Variants in ZC3HAV1 observed in about 807,000 individuals in gnomAD.
The protein encoded by ZC3HAV1 is zinc finger CCCH-type antiviral protein 1.
ZC3HAV1 carries 41 observed loss-of-function variants against 86.6 expected under a neutral mutation model. The observed-to-expected ratio is 0.47, with a 90% confidence interval of 0.37 to 0.61. The LOEUF (loss-of-function observed/expected upper bound fraction) is 0.61, where lower values mean the gene tolerates loss of function less well. ZC3HAV1 is among the 20% of genes least tolerant of loss of function. The pLI, the probability that ZC3HAV1 is intolerant of heterozygous loss-of-function variation, is 0.00. For missense variants in ZC3HAV1, 964 were observed against 1,141.1 expected (o/e 0.84, Z 2.24); for synonymous variants, 421 against 432.1 (o/e 0.97, Z 0.32).
intron 12 of ZC3HAV1, among the ~76,000 whole-genome samples, chr7:139,048,098 G>A (rs749415476): frequency 5.3e-5 from 8 of 152,316 alleles, no homozygotes; most frequent in Middle Eastern, 3.4e-3. Flanking sequence ...TGCTGATAGT[G>A]TGAGCCATTG....
chr7:139,053,906 G>A (rs1405123830), intron 11 of ZC3HAV1, 59 bp downstream of exon 11: 32 of 1,553,602 alleles, frequency 2.1e-5, no homozygotes, highest in South Asian at 2.5e-5. Flanking sequence ...CTCAAAGGAC[G>A]GATATTAACT....
chr7:139,072,196 C>CTT (rs569833688), intron 7 of ZC3HAV1, among the ~76,000 whole-genome samples: 14 of 148,392 alleles, frequency 9.4e-5, no homozygotes, highest in South Asian at 4.2e-4. Flanking sequence ...CCTGCATTAT[C>CTT]TTTTTTTTTT....
intron 1 of ZC3HAV1, among the ~76,000 whole-genome samples, chr7:139,103,151 C>T (rs1016731332): frequency 1.3e-5 from 2 of 151,022 alleles, no homozygotes; most frequent in South Asian, 4.1e-4. Flanking sequence ...AACAATCCTT[C>T]TGCCTCAGCC....
chr7:139,109,209 C>A lies in ZC3HAV1; in HGVS notation c.123G>T (p.Leu41=), dbSNP rs756169927. The part of the protein sequence containing the change: ...ALSEPQLCEV[L]QVAGPDRFVV... ...CAAAGCGGTCGGGCCCGGCCACCTG[C>A]AGCACCTCACAGAGCTGCGGCTCAG... Residue 41 remains leucine (L), a synonymous_variant, in exon 1 of 13, where the codon CTG becomes CTT. Coordinates refer to ENST00000242351, the MANE Select transcript of ZC3HAV1 (RefSeq NM_020119.4). 10 of 1,609,186 alleles carry A rather than the reference C, an allele frequency of 6.2e-6. No individual in the cohort carries two copies. The highest frequency in any genetic ancestry group is 8.5e-6 in the Non-Finnish European group (10 of 1,177,978).
chr7:139,104,289 T>C (rs912405057), intron 1 of ZC3HAV1, among the ~76,000 whole-genome samples: 1 of 134,152 alleles, frequency 7.5e-6, no homozygotes, highest in African/African-American at 2.8e-5. Flanking sequence ...AACACCCACA[T>C]CGGCAAAAAC....
chr7:139,070,240 T>G (rs1476644117), intron 7 of ZC3HAV1, among the ~76,000 whole-genome samples: 1 of 152,182 alleles, frequency 6.6e-6, no homozygotes, highest in African/African-American at 2.4e-5. Context: ...ATTCATGTGT[T>G]TGCAGATTGA....
At chr7:139,104,506 G>C (rs754728964) in intron 1 of ZC3HAV1, among the ~76,000 whole-genome samples, 6 of 151,104 alleles carry the variant, frequency 4.0e-5, no homozygotes, top group Admixed American at 6.6e-5. Context: ...CTGAGCTCAG[G>C]AGTTGGAGAC....
chr7:139,065,069 C>T lies in ZC3HAV1; in HGVS notation c.1873-70G>A, dbSNP rs1408684071. 40 of 1,590,712 alleles carry T rather than the reference C, an allele frequency of 2.5e-5. No homozygotes were observed. The South Asian group carries it at 2.6e-4, about 10-fold the overall frequency. ...GGAAATCTCTACTGTTATATGATTT[C>T]GTTTTAGCAATGAGATGTGAACAGG... On this transcript the variant is annotated intron_variant, in intron 7 of 12. Coordinates refer to ENST00000242351, the MANE Select transcript of ZC3HAV1 (RefSeq NM_020119.4).
At position 139,079,613 on chromosome 7, in the gene ZC3HAV1, C is replaced by G. The variant is rs376101521; in HGVS notation, c.1328G>C (p.Arg443Thr). 6.2e-7 allele frequency: 1 copy of G among 1,614,086 alleles called. No homozygotes were observed. The highest frequency in any genetic ancestry group is 8.5e-7 in the Non-Finnish European group (1 of 1,180,020). ...GCTAGTGCTTTTGTAATTTAAGGATCTGGTAGAAGTTATATCTGTGGCCAC... is the reference window on the plus strand; with the variant it reads ...GCTAGTGCTTTTGTAATTTAAGGATGTGGTAGAAGTTATATCTGTGGCCAC... Reference protein sequence around the residue: ...DGVATDITSTRSLNYKSTSSG... With the variant: ...DGVATDITSTTSLNYKSTSSG... The change falls in exon 4 of 13, where the codon AGA becomes ACA. Residue 443 changes from arginine (R) to threonine (T), a missense_variant. By Grantham distance (71) the Arg-to-Thr change is moderately conservative. Coordinates refer to ENST00000242351, the MANE Select transcript of ZC3HAV1 (RefSeq NM_020119.4).
Position 139,109,012 on chromosome 7 carries a change from G to C in ZC3HAV1, c.308+12C>G. Reference sequence around the variant, plus strand: ...GGCTGCGGACAGCGCCCCTCCCTCCGGGTGCACTCACCGCTCGGACTGCGA... The same window carrying C: ...GGCTGCGGACAGCGCCCCTCCCTCCCGGTGCACTCACCGCTCGGACTGCGA... On this transcript the variant is annotated intron_variant, in intron 1 of 12. Coordinates refer to ENST00000242351, the MANE Select transcript of ZC3HAV1 (RefSeq NM_020119.4). The C allele has an allele frequency of 1.3e-6, 2 of 1,539,046 alleles. No homozygotes were observed. The highest frequency in any genetic ancestry group is 1.9e-5 in the Admixed American group (1 of 52,304).
intron 8 of ZC3HAV1, among the ~76,000 whole-genome samples, chr7:139,061,787 T>C (rs1816451158): frequency 6.6e-6 from 1 of 152,260 alleles, no homozygotes; most frequent in Non-Finnish European, 1.5e-5. Flanking sequence ...GCAGCGTTAT[T>C]ATGATAACCA....
At chr7:139,073,199 T>A (rs1291591959) in intron 7 of ZC3HAV1, among the ~76,000 whole-genome samples, 1 of 151,978 alleles carries the variant, frequency 6.6e-6, no homozygotes, top group Non-Finnish European at 1.5e-5. Flanking sequence ...CTCGGGAGGC[T>A]GAGGCAGGAA....
chr7:139,044,721 A>C lies in ZC3HAV1; in HGVS notation c.*2873T>G, dbSNP rs1159792435. 6.6e-6 allele frequency: 1 copy of C among 152,652 alleles called. No individual in the cohort carries two copies. Among genetic ancestry groups the C allele is most frequent in the Non-Finnish European group, 1.5e-5 (1 of 68,038 alleles). The allele number at this position is 152,652 out of a possible 1,614,324, so 9.5% of individuals were successfully genotyped here. A position where few individuals can be genotyped will look rare whatever the true frequency, so the allele number is the denominator to read the frequency against. On this transcript the variant is annotated 3_prime_UTR_variant, in exon 13 of 13. Coordinates refer to ENST00000242351, the MANE Select transcript of ZC3HAV1 (RefSeq NM_020119.4). ...ATACATTGGACAGTTCCTCACAATA[A>C]GAAATTACTCTGCACCCTATACGAA...
At chr7:139,091,759 G>A (rs952169755) in intron 1 of ZC3HAV1, among the ~76,000 whole-genome samples, 1 of 151,986 alleles carries the variant, frequency 6.6e-6, no homozygotes, top group Non-Finnish European at 1.5e-5. Flanking sequence ...ATACACACTT[G>A]AGACACCGTG....
chr7:139,083,307 CATT>C (rs2130710726), intron 3 of ZC3HAV1, among the ~76,000 whole-genome samples: 1 of 152,002 alleles, frequency 6.6e-6, no homozygotes, highest in South Asian at 2.1e-4. Flanking sequence ...TGTATACTAC[CATT>C]ATAATTATGT....
Position 139,061,033 on chromosome 7 carries a change from T to C in ZC3HAV1, c.2096+3A>G, listed in dbSNP as rs112034621. 3.7e-5 allele frequency: 59 copies of C among 1,613,580 alleles called. No individual in the cohort carries two copies. The highest frequency in any genetic ancestry group is 5.0e-5 in the Non-Finnish European group (59 of 1,179,932). On this transcript the variant is annotated splice_donor_region_variant and intron_variant, in intron 9 of 12. Transcript: ENST00000242351. ...CAGCAAACAGCTGCTTCAGAACACTTACTCTGGCCCTCTCTTCATCTGCTG... is the reference window on the plus strand; with the variant it reads ...CAGCAAACAGCTGCTTCAGAACACTCACTCTGGCCCTCTCTTCATCTGCTG...
In ZC3HAV1 at chr7:139,094,440, A is replaced by C. The variant is rs117382192; in HGVS notation, c.309-4681T>G. ...CAAGCGTTTGCAGAATGCTACCCAC[A>C]CTTGGAGCAGATAAACCTCAAACAA... On this transcript the variant is annotated intron_variant, in intron 1 of 12. Transcript: ENST00000242351. Among the ~76,000 whole-genome samples the C allele has an allele frequency of 4.2e-3, 634 of 150,916 alleles. 2 individuals carry two copies. Among genetic ancestry groups the C allele is most frequent in the Non-Finnish European group, 6.6e-3 (447 of 67,876 alleles).
chr7:139,048,349 T>C (rs1011885324), intron 12 of ZC3HAV1, among the ~76,000 whole-genome samples: 2 of 152,210 alleles, frequency 1.3e-5, no homozygotes, highest in African/African-American at 4.8e-5. Context: ...CTCATGTCTG[T>C]AATCCCAGCA....
chr7:139,089,538 A>G (rs575669890), intron 2 of ZC3HAV1, 86 bp downstream of exon 2: 13 of 1,453,448 alleles, frequency 8.9e-6, no homozygotes, highest in Admixed American at 2.6e-5. Flanking sequence ...TTAATTTTGA[A>G]TTTTCTCTGC....
Sources: allele counts gnomAD v4.1 joint callset (sites outside exome capture counted in the v4.1 genomes callset), GRCh38; gene constraint gnomAD v4.1.1; transcripts MANE v1.5; gene names NCBI Gene and HGNC (gene_info 2026-07-23, HGNC 2026-07-21).